The following INTS9 variants were observed in gnomAD, a reference collection of about 807,000 sequenced individuals.
INTS9 encodes protein related to CPSF subunits of 74 kDa.
Under a neutral mutation model 79.7 loss-of-function variants are expected in INTS9, and 55 were observed. The observed-to-expected ratio is 0.69, with a 90% CI of 0.56 to 0.86. INTS9 has a LOEUF of 0.86. Ranked by LOEUF, INTS9 falls within the 40% of genes least tolerant of loss-of-function variation. The pLI, the probability that INTS9 is intolerant of heterozygous loss-of-function variation, is 0.00. For missense variants in INTS9, 721 were observed against 831.5 expected, an observed-to-expected ratio of 0.87 and a Z score of 1.64; for synonymous variants, 319 against 325.2, an observed-to-expected ratio of 0.98 and a Z score of 0.20.
intron 1 of INTS9, among the ~76,000 whole-genome samples, chr8:28,871,709 G>T (rs1809105930): frequency 1.3e-5 from 2 of 152,050 alleles, no homozygotes; most frequent in African/African-American, 2.4e-5. Flanking sequence ...CCTGACCTAG[G>T]AAAGAACTTT....
At chr8:28,880,641 C>T (rs1472842122) in intron 1 of INTS9, among the ~76,000 whole-genome samples, 5 of 149,074 alleles carry the variant, frequency 3.4e-5, no homozygotes, top group African/African-American at 9.9e-5. Flanking sequence ...CTTGGCCTCC[C>T]AAAGAGCCGA....
At chr8:28,861,800 TAAAGGCC>T (rs1420615073) in intron 1 of INTS9, among the ~76,000 whole-genome samples, 1 of 152,242 alleles carries the variant, frequency 6.6e-6, no homozygotes, top group Non-Finnish European at 1.5e-5. Flanking sequence ...TTACTGTCCT[TAAAGGCC>T]AAAGGCCAAA....
At chr8:28,780,418 G>C in intron 12 of INTS9, 1 of 983,922 alleles carries the variant, frequency 1.0e-6, no homozygotes, top group Non-Finnish European at 1.2e-6. Context: ...TTTTTCCCCT[G>C]AGGGATTTGT....
At chr8:28,836,943 T>C (rs1563286125) in intron 5 of INTS9, among the ~76,000 whole-genome samples, 2 of 152,356 alleles carry the variant, frequency 1.3e-5, no homozygotes, top group Middle Eastern at 3.4e-3. Context: ...ATACCGTACT[T>C]ATTAATTTAT....
chr8:28,863,477 A>C (rs1808563187), intron 1 of INTS9, among the ~76,000 whole-genome samples: 3 of 152,234 alleles, frequency 2.0e-5, no homozygotes, highest in Non-Finnish European at 4.4e-5. Flanking sequence ...CAAAAGTTAT[A>C]TAAATTTTAA....
intron 1 of INTS9, among the ~76,000 whole-genome samples, chr8:28,863,782 A>AAAAAAC (rs200932831): frequency 0.038 from 5,747 of 152,198 alleles, 395 homozygotes; most frequent in Admixed American, 0.18. Context: ...ACTCTGTCTC[A>AAAAAAC]AAAAACAAAA....
chr8:28,865,657 C>G (rs1808705874), intron 1 of INTS9, among the ~76,000 whole-genome samples: 2 of 152,094 alleles, frequency 1.3e-5, no homozygotes, highest in Admixed American at 1.3e-4. Context: ...GGGGAGAAAT[C>G]TGCTGCCAGT....
intron 10 of INTS9, among the ~76,000 whole-genome samples, chr8:28,791,584 C>T (rs1803922290): frequency 6.6e-6 from 1 of 152,166 alleles, no homozygotes; most frequent in Non-Finnish European, 1.5e-5. Context: ...GGGGTCACCA[C>T]CCACCCCTTC....
At chr8:28,876,611 C>A (rs887020246) in intron 1 of INTS9, among the ~76,000 whole-genome samples, 21 of 152,110 alleles carry the variant, frequency 1.4e-4, no homozygotes, top group African/African-American at 4.6e-4. Flanking sequence ...AATAGAGACG[C>A]CTACTACCAA....
At chr8:28,876,993 TAAAAG>T (rs1183962981) in intron 1 of INTS9, among the ~76,000 whole-genome samples, 2 of 152,172 alleles carry the variant, frequency 1.3e-5, no homozygotes, top group East Asian at 1.9e-4. Flanking sequence ...AATGATACAG[TAAAAG>T]AAATTAGTCA....
At chr8:28,775,649 G>T in intron 14 of INTS9, 110 bp downstream of exon 14, 1 of 1,201,142 alleles carries the variant, frequency 8.3e-7, no homozygotes, top group Non-Finnish European at 1.2e-6. Flanking sequence ...ACTGCGCGCA[G>T]CCTGGTTCAT....
chr8:28,775,699 C>G, intron 14 of INTS9, 60 bp downstream of exon 14: 1 of 1,563,482 alleles, frequency 6.4e-7, no homozygotes, highest in Non-Finnish European at 8.8e-7. Flanking sequence ...CACCCCTGCA[C>G]GATCTCCAAG....
intron 8 of INTS9, chr8:28,798,502 T>A (rs564981953): frequency 1.3e-5 from 2 of 152,312 alleles, no homozygotes; most frequent in South Asian, 4.2e-4. Flanking sequence ...GTGTAAACTT[T>A]TCTTTTTTCT....
intron 3 of INTS9, among the ~76,000 whole-genome samples, chr8:28,847,547 A>G (rs1295913855): frequency 2.0e-5 from 3 of 151,998 alleles, no homozygotes; most frequent in Non-Finnish European, 2.9e-5. Flanking sequence ...CACGAATGTA[A>G]TGTTTTTCCG....
At chr8:28,850,848 C>A (rs1012424478) in intron 2 of INTS9, among the ~76,000 whole-genome samples, 1 of 152,182 alleles carries the variant, frequency 6.6e-6, no homozygotes, top group Non-Finnish European at 1.5e-5. Flanking sequence ...CTAGTTTTCC[C>A]AAGTGTTACA....
intron 8 of INTS9, among the ~76,000 whole-genome samples, chr8:28,802,658 A>C (rs1804586282): frequency 6.6e-6 from 1 of 152,228 alleles, no homozygotes; most frequent in Admixed American, 6.5e-5. Flanking sequence ...TTGTGGTCAG[A>C]AAGATGAGAA....
chr8:28,813,656 C>T lies in INTS9; in HGVS notation c.489-44G>A, dbSNP rs901454868. ...GTCAACTACCAGGTGAACATTTCTTCATGTTCTACAGCATTCCTTTCTAGT... is the reference window on the plus strand; with the variant it reads ...GTCAACTACCAGGTGAACATTTCTTTATGTTCTACAGCATTCCTTTCTAGT... On this transcript the variant is annotated intron_variant, in intron 6 of 16. Transcript: ENST00000521022. 3 of 1,604,564 alleles carry T rather than the reference C, an allele frequency of 1.9e-6. No homozygotes were observed. The African/African-American group carries it at 4.0e-5, about 21-fold the overall frequency.
chr8:28,770,918 T>G (rs977663930), intron 15 of INTS9, 64 bp downstream of exon 15: 1 of 1,097,066 alleles, frequency 9.1e-7, no homozygotes. Flanking sequence ...AAATATAATC[T>G]GTTAGGTGGT....
At chr8:28,786,265 C>G (rs1265744910) in intron 11 of INTS9, among the ~76,000 whole-genome samples, 1 of 151,834 alleles carries the variant, frequency 6.6e-6, no homozygotes. Context: ...TATTTCAGTA[C>G]TATTACCAAA....
Sources: allele counts gnomAD v4.1 joint callset (sites outside exome capture counted in the v4.1 genomes callset), GRCh38; gene constraint gnomAD v4.1.1; transcripts MANE v1.5; gene names NCBI Gene and HGNC (gene_info 2026-07-23, HGNC 2026-07-21).